The following GRIN2B variants were observed in gnomAD, a reference collection of about 807,000 sequenced individuals.
GRIN2B encodes the protein glutamate receptor ionotropic, NMDA 2B.
A neutral mutation model predicts 114.5 loss-of-function variants in GRIN2B; 5 were observed. That is an observed-to-expected ratio of 0.04 (90% CI 0.02 to 0.09). GRIN2B has a LOEUF of 0.09. Ranked by LOEUF, GRIN2B falls within the 10% of genes least tolerant of loss-of-function variation. The pLI is 1.00. For missense variants in GRIN2B, 1,108 were observed against 1,943.5 expected (o/e 0.57, Z 8.08); for synonymous variants, 787 against 745.1 (o/e 1.06, Z -0.92).
intron 10 of GRIN2B, among the ~76,000 whole-genome samples, chr12:13,599,023 A>G (rs1010676203): frequency 6.6e-6 from 1 of 151,386 alleles, no homozygotes; most frequent in Non-Finnish European, 1.5e-5. Context: ...TCTTCTCTCC[A>G]CTCTGGCCAT....
chr12:13,977,544 T>C (rs1458324677), intron 2 of GRIN2B: 4 of 152,176 alleles, frequency 2.6e-5, no homozygotes, highest in Admixed American at 6.5e-5. Context: ...GGTTCCTCGA[T>C]TGAAATTAAA....
At chr12:13,970,749 T>A (rs1177069384) in intron 2 of GRIN2B, among the ~76,000 whole-genome samples, 2 of 149,526 alleles carry the variant, frequency 1.3e-5, no homozygotes, top group Non-Finnish European at 3.0e-5. Flanking sequence ...TCTTCAAAAA[T>A]CCAAAGGGTA....
intron 3 of GRIN2B, among the ~76,000 whole-genome samples, chr12:13,852,211 G>A (rs1865578440): frequency 1.3e-5 from 2 of 152,162 alleles, no homozygotes; most frequent in African/African-American, 4.8e-5. Context: ...CCATACCTCA[G>A]AAGCTCACCC....
chr12:13,916,737 T>TTG (rs57501769), intron 2 of GRIN2B, among the ~76,000 whole-genome samples: 92 of 139,940 alleles, frequency 6.6e-4, no homozygotes, highest in African/African-American at 1.9e-3. Context: ...ACACACACAT[T>TTG]TGTGTGTGTG....
At chr12:13,704,825 C>T (rs1950344911) in intron 4 of GRIN2B, among the ~76,000 whole-genome samples, 1 of 152,158 alleles carries the variant, frequency 6.6e-6, no homozygotes, top group Non-Finnish European at 1.5e-5. Flanking sequence ...AAAATGTTAA[C>T]CATTATTATA....
At chr12:13,639,444 C>A (rs545373304) in intron 5 of GRIN2B, among the ~76,000 whole-genome samples, 3 of 152,292 alleles carry the variant, frequency 2.0e-5, no homozygotes, top group Non-Finnish European at 4.4e-5. Context: ...CTTTTTCATA[C>A]CCGAAGACCA....
chr12:13,586,921 C>A (rs951446622), intron 10 of GRIN2B, among the ~76,000 whole-genome samples: 2 of 152,166 alleles, frequency 1.3e-5, no homozygotes, highest in East Asian at 3.9e-4. Context: ...CTTATTCATT[C>A]ATTCATTGAC....
In GRIN2B at chr12:13,796,235, T is replaced by A. The variant is rs1435029791; in HGVS notation, c.412-42320A>T. ...TTTGGAGAACACCACACATTTTTAA[T>A]GTTGTAAAATATGGCCTCTCCTGAA... On this transcript the variant is annotated intron_variant, in intron 3 of 13. Coordinates refer to ENST00000609686, the MANE Select transcript of GRIN2B (RefSeq NM_000834.5). Among the ~76,000 whole-genome samples the A allele has an allele frequency of 2.6e-5, 4 of 152,168 alleles. No individual in the cohort carries two copies. The South Asian group carries it at 8.3e-4, about 32-fold the overall frequency.
At chr12:13,766,852 C>CGA (rs1424749744) in intron 3 of GRIN2B, among the ~76,000 whole-genome samples, 1 of 152,132 alleles carries the variant, frequency 6.6e-6, no homozygotes, top group African/African-American at 2.4e-5. Flanking sequence ...TCTAGCCTTC[C>CGA]GACAGTTTTA....
At chr12:13,892,031 C>T (rs1297215768) in intron 2 of GRIN2B, among the ~76,000 whole-genome samples, 2 of 152,194 alleles carry the variant, frequency 1.3e-5, no homozygotes, top group African/African-American at 2.4e-5. Context: ...CATCACTCAG[C>T]CTGGGACATG....
intron 4 of GRIN2B, among the ~76,000 whole-genome samples, chr12:13,687,692 T>C (rs1409971906): frequency 6.6e-6 from 1 of 152,230 alleles, no homozygotes; most frequent in Non-Finnish European, 1.5e-5. Flanking sequence ...CTTTGTCTTC[T>C]CTCTTTCTGT....
intron 2 of GRIN2B, among the ~76,000 whole-genome samples, chr12:13,974,606 T>C (rs1443249909): frequency 6.6e-6 from 1 of 152,276 alleles, no homozygotes; most frequent in South Asian, 2.1e-4. Context: ...TATTTTTTCC[T>C]CAAGACATAA....
At chr12:13,905,795 A>G (rs1471508583) in intron 2 of GRIN2B, among the ~76,000 whole-genome samples, 1 of 152,134 alleles carries the variant, frequency 6.6e-6, no homozygotes, top group African/African-American at 2.4e-5. Flanking sequence ...AGAGCCAGAA[A>G]CTTCTCAGGG....
chr12:13,584,095 G>A (rs973360002), intron 10 of GRIN2B, among the ~76,000 whole-genome samples: 2 of 152,088 alleles, frequency 1.3e-5, no homozygotes, highest in African/African-American at 2.4e-5. Context: ...GAGAGGAAGC[G>A]GCAGAGTCAG....
In GRIN2B at chr12:13,543,443, C is replaced by T. The variant is rs2136380248; in HGVS notation, c.*19340G>A. On this transcript the variant is annotated 3_prime_UTR_variant, in exon 14 of 14. Transcript: ENST00000609686. ...ACCCAGCTTAGATTCCATGACCAAA[C>T]ATTATAGTTAACACACTGCAGTTGC... is the stretch of plus-strand genomic sequence containing the variant. 6.6e-6 allele frequency: 1 copy of T among 152,330 alleles called. No homozygotes were observed. Among genetic ancestry groups the T allele is most frequent in the Admixed American group, 6.5e-5 (1 of 15,286 alleles). The allele number at this position is 152,330 out of a possible 1,614,324, so 9.4% of individuals were successfully genotyped here.
chr12:13,673,747 G>A (rs186508530), intron 5 of GRIN2B, among the ~76,000 whole-genome samples: 28 of 152,082 alleles, frequency 1.8e-4, no homozygotes, highest in Admixed American at 9.8e-4. Context: ...TGACCTGATG[G>A]TGAGTGGTGT....
At chr12:13,756,171 A>T (rs2136631862) in intron 3 of GRIN2B, among the ~76,000 whole-genome samples, 1 of 151,990 alleles carries the variant, frequency 6.6e-6, no homozygotes, top group South Asian at 2.1e-4. Context: ...GCCCACCACC[A>T]TGCCAGGCTA....
chr12:13,813,119 T>C (rs1409713654), intron 3 of GRIN2B, among the ~76,000 whole-genome samples: 1 of 151,890 alleles, frequency 6.6e-6, no homozygotes, highest in Non-Finnish European at 1.5e-5. Context: ...TTTGTATTTT[T>C]AGTAGAGATA....
rs1948349915 is a variant in GRIN2B at position 13,546,831 on chromosome 12, A to C, written c.*15952T>G. 6.6e-6 allele frequency: 1 copy of C among 152,156 alleles called. No individual in the cohort carries two copies. The allele number at this position is 152,156 out of a possible 1,614,324, so 9.4% of individuals were successfully genotyped here. On this transcript the variant is annotated 3_prime_UTR_variant, in exon 14 of 14. Coordinates refer to ENST00000609686, the MANE Select transcript of GRIN2B (RefSeq NM_000834.5). ...CCTTGAAATAAATTTAAAAAGAGAG[A>C]ACAAGAAAAGCCACAAAATACCTCC...
Sources: allele counts gnomAD v4.1 joint callset (sites outside exome capture counted in the v4.1 genomes callset), GRCh38; gene constraint gnomAD v4.1.1; transcripts MANE v1.5; gene names NCBI Gene and HGNC (gene_info 2026-07-23, HGNC 2026-07-21).